ASIC2: variants seen among roughly 807,000 people sequenced by gnomAD.
The protein encoded by ASIC2 is acid-sensing ion channel 2.
Under a neutral mutation model 57.3 loss-of-function variants are expected in ASIC2, and 25 were observed. The ratio of observed to expected loss-of-function variants is 0.44; its 90% CI spans 0.32 to 0.61. The LOEUF (loss-of-function observed/expected upper bound fraction) is 0.61, where lower values mean the gene tolerates loss of function less well. Ranked by LOEUF, ASIC2 falls within the 20% of genes least tolerant of loss-of-function variation. The pLI is 0.06. For synonymous variants in ASIC2, 319 were observed against 307.5 expected (o/e 1.04, Z -0.39); for missense variants, 641 against 738.1 (o/e 0.87, Z 1.52).
intron 1 of ASIC2, among the ~76,000 whole-genome samples, chr17:33,579,779 A>T (rs892170219): frequency 6.6e-6 from 1 of 152,160 alleles, no homozygotes; most frequent in Middle Eastern, 3.2e-3. Context: ...AGAGCAAAAG[A>T]ACAAACTACC....
intron 1 of ASIC2, among the ~76,000 whole-genome samples, chr17:33,905,165 T>TTTTTTTTTTTTTC (rs147028517): frequency 9.2e-6 from 1 of 108,424 alleles, no homozygotes; most frequent in Non-Finnish European, 1.8e-5. Flanking sequence ...TTTTTTTTTT[T>TTTTTTTTTTTTTC]CCACTTAGCG....
At chr17:33,676,297 C>T (rs932225561) in intron 1 of ASIC2, among the ~76,000 whole-genome samples, 1 of 152,210 alleles carries the variant, frequency 6.6e-6, no homozygotes, top group African/African-American at 2.4e-5. Flanking sequence ...AGGAGTCACA[C>T]ATCTCTCACT....
chr17:33,507,833 A>T (rs1914311643), intron 1 of ASIC2, among the ~76,000 whole-genome samples: 1 of 152,226 alleles, frequency 6.6e-6, no homozygotes, highest in Non-Finnish European at 1.5e-5. Flanking sequence ...TGAACCCAGC[A>T]GGCAGAGGTT....
chr17:33,492,505 A>T (rs73273242), intron 1 of ASIC2, among the ~76,000 whole-genome samples: 3 of 152,238 alleles, frequency 2.0e-5, no homozygotes, highest in Admixed American at 1.3e-4. Flanking sequence ...TATCCTTCCC[A>T]CATAGAAACT....
At chr17:34,014,727 C>T (rs771320188) in intron 1 of ASIC2, among the ~76,000 whole-genome samples, 4 of 152,152 alleles carry the variant, frequency 2.6e-5, no homozygotes, top group Non-Finnish European at 4.4e-5. Flanking sequence ...ACCTCTGCTT[C>T]CTTATCTCTG....
At chr17:33,129,404 G>A (rs778844574) in intron 1 of ASIC2, among the ~76,000 whole-genome samples, 4 of 152,198 alleles carry the variant, frequency 2.6e-5, no homozygotes, top group Non-Finnish European at 4.4e-5. Context: ...AGAGAATCAC[G>A]CCTGCTATCT....
chr17:33,096,098 A>G (rs1414760485), intron 2 of ASIC2, among the ~76,000 whole-genome samples: 1 of 152,198 alleles, frequency 6.6e-6, no homozygotes, highest in Admixed American at 6.5e-5. Flanking sequence ...GTACTAGTGT[A>G]CGGGTGTGCC....
chr17:33,255,028 CTTTT>C (rs1173076413), intron 1 of ASIC2, among the ~76,000 whole-genome samples: 1 of 73,994 alleles, frequency 1.4e-5, no homozygotes, highest in Non-Finnish European at 2.4e-5. Flanking sequence ...AGAAAGAAAT[CTTTT>C]TTTTTTTTTT....
At chr17:33,106,587 C>T (rs886842468) in intron 2 of ASIC2, among the ~76,000 whole-genome samples, 1 of 152,180 alleles carries the variant, frequency 6.6e-6, no homozygotes, top group African/African-American at 2.4e-5. Flanking sequence ...ATCCACAGGG[C>T]TGTCTGTCTA....
intron 1 of ASIC2, among the ~76,000 whole-genome samples, chr17:33,892,746 T>C (rs1914996913): frequency 6.6e-6 from 1 of 152,224 alleles, no homozygotes; most frequent in African/African-American, 2.4e-5. Flanking sequence ...TAGCTAAAGT[T>C]ACAATGCAGG....
At chr17:33,651,150 A>G (rs768815762) in intron 1 of ASIC2, among the ~76,000 whole-genome samples, 3 of 152,088 alleles carry the variant, frequency 2.0e-5, no homozygotes, top group Non-Finnish European at 4.4e-5. Flanking sequence ...CACACACACG[A>G]GTGCCTGCTA....
intron 1 of ASIC2, among the ~76,000 whole-genome samples, chr17:33,626,196 T>C (rs1458069347): frequency 6.6e-6 from 1 of 152,166 alleles, no homozygotes; most frequent in East Asian, 1.9e-4. Flanking sequence ...TGAATAAAAT[T>C]GGATGTATTC....
At chr17:33,676,637 A>C (rs1567686304) in intron 1 of ASIC2, among the ~76,000 whole-genome samples, 1 of 152,254 alleles carries the variant, frequency 6.6e-6, no homozygotes, top group Admixed American at 6.5e-5. Flanking sequence ...AAGTAGTTTG[A>C]AGCTAGCAGA....
intron 1 of ASIC2, among the ~76,000 whole-genome samples, chr17:33,494,196 G>A (rs947394601): frequency 6.6e-6 from 1 of 152,204 alleles, no homozygotes; most frequent in South Asian, 2.1e-4. Context: ...CAAGCCAACA[G>A]CATCAGAGGC....
intron 3 of ASIC2, among the ~76,000 whole-genome samples, chr17:33,073,110 G>C (rs545742843): frequency 2.3e-3 from 347 of 152,342 alleles, no homozygotes; most frequent in Non-Finnish European, 4.3e-3. Context: ...CTGGTAGTTG[G>C]GGGGAGGGAA....
At chr17:33,789,772 A>G (rs990294865) in intron 1 of ASIC2, among the ~76,000 whole-genome samples, 3 of 152,128 alleles carry the variant, frequency 2.0e-5, no homozygotes, top group African/African-American at 7.2e-5. Flanking sequence ...ATATGTTTAT[A>G]TGGATTTTGG....
intron 1 of ASIC2, among the ~76,000 whole-genome samples, chr17:33,264,703 G>GT (rs1909401761): frequency 6.6e-6 from 1 of 152,240 alleles, no homozygotes; most frequent in Admixed American, 6.5e-5. Flanking sequence ...AGCTCTGTGG[G>GT]TTGGGCTAAC....
chr17:33,412,293 A>G (rs1910691649), intron 1 of ASIC2, among the ~76,000 whole-genome samples: 1 of 152,188 alleles, frequency 6.6e-6, no homozygotes, highest in South Asian at 2.1e-4. Context: ...GGTTCTTAGA[A>G]TGCTGTTGAT....
At chr17:33,312,961 A>C (rs1906494230) in intron 1 of ASIC2, among the ~76,000 whole-genome samples, 1 of 152,054 alleles carries the variant, frequency 6.6e-6, no homozygotes, top group Non-Finnish European at 1.5e-5. Flanking sequence ...GGAAGCAAAA[A>C]CTCACGATCT....
Sources: allele counts gnomAD v4.1 joint callset (sites outside exome capture counted in the v4.1 genomes callset), GRCh38; gene constraint gnomAD v4.1.1; transcripts MANE v1.5; gene names NCBI Gene and HGNC (gene_info 2026-07-23, HGNC 2026-07-21).